ZDHHC2: variants seen among roughly 807,000 people sequenced by gnomAD.
ZDHHC2 encodes zDHHC palmitoyltransferase 2.
Under a neutral mutation model 55.6 loss-of-function variants are expected in ZDHHC2, and 51 were observed. The ratio of observed to expected loss-of-function variants is 0.92; its 90% CI spans 0.73 to 1.16. ZDHHC2 has a LOEUF of 1.16. Among genes scored for constraint, ZDHHC2 ranks in the 50% most tolerant of loss-of-function variants. The pLI is 0.00. For synonymous variants in ZDHHC2, 199 were observed against 152.9 expected (o/e 1.30, Z -2.22); for missense variants, 491 against 442.4 (o/e 1.11, Z -0.99).
intron 3 of ZDHHC2, among the ~76,000 whole-genome samples, chr8:17,189,071 A>G (rs1350829347): frequency 6.8e-6 from 1 of 147,756 alleles, no homozygotes; most frequent in Non-Finnish European, 1.5e-5. Flanking sequence ...ATAGATTTGC[A>G]GTAGCCTCTT....
At chr8:17,202,736 C>T (rs56348905) in intron 6 of ZDHHC2, among the ~76,000 whole-genome samples, 103,741 of 144,422 alleles carry the variant, frequency 0.72, 39,169 homozygotes, top group Non-Finnish European at 0.87. Flanking sequence ...TATATATATA[C>T]ACACACACAC....
Position 17,223,996 on chromosome 8 carries a change from T to C in ZDHHC2, c.*3775T>C, listed in dbSNP as rs1808023422. The C allele has an allele frequency of 6.6e-6, 1 of 151,634 alleles. No homozygotes were observed. Among genetic ancestry groups the C allele is most frequent in the African/African-American group, 2.4e-5 (1 of 41,376 alleles). The allele number at this position is 151,634 out of a possible 1,614,324, so 9.4% of individuals were successfully genotyped here. ...ATATGAAGTATCTCCCAGAACAATG[T>C]TGAGTGTTTCAGGAGACTCTGAAAC... On this transcript the variant is annotated 3_prime_UTR_variant, in exon 13 of 13. Coordinates refer to ENST00000262096, the MANE Select transcript of ZDHHC2 (RefSeq NM_016353.5).
chr8:17,158,769 A>T (rs912827970), intron 1 of ZDHHC2, among the ~76,000 whole-genome samples: 1 of 152,180 alleles, frequency 6.6e-6, no homozygotes, highest in Non-Finnish European at 1.5e-5. Context: ...TACCTTATCT[A>T]TCACTTCTTG....
At chr8:17,196,235 C>G (rs1406686435) in intron 4 of ZDHHC2, among the ~76,000 whole-genome samples, 1 of 152,122 alleles carries the variant, frequency 6.6e-6, no homozygotes, top group African/African-American at 2.4e-5. Flanking sequence ...CAAGACTTGC[C>G]CAGAGCTTCT....
intron 1 of ZDHHC2, among the ~76,000 whole-genome samples, chr8:17,182,763 T>C (rs184406757): frequency 2.1e-4 from 32 of 152,282 alleles, no homozygotes; most frequent in Admixed American, 3.3e-4. Flanking sequence ...TACACCTTTT[T>C]TTTTGTTGTT....
At chr8:17,161,783 C>T (rs915146904) in intron 1 of ZDHHC2, among the ~76,000 whole-genome samples, 8 of 151,804 alleles carry the variant, frequency 5.3e-5, no homozygotes, top group African/African-American at 1.5e-4. Context: ...TTGCCTGAAC[C>T]GGGGAGGCAG....
chr8:17,174,153 A>G (rs1457576032), intron 1 of ZDHHC2, among the ~76,000 whole-genome samples: 1 of 151,480 alleles, frequency 6.6e-6, no homozygotes, highest in South Asian at 2.1e-4. Flanking sequence ...ACAGTGGCGT[A>G]ATCACAGCTC....
At chr8:17,199,607 T>TCG (rs1806611800) in intron 6 of ZDHHC2, among the ~76,000 whole-genome samples, 4 of 14,178 alleles carry the variant, frequency 2.8e-4, no homozygotes, top group South Asian at 4.8e-3. Flanking sequence ...TCTTTATTCT[T>TCG]TCTTCTTCTT....
chr8:17,215,409 G>C, intron 11 of ZDHHC2, 60 bp downstream of exon 11: 1 of 1,391,082 alleles, frequency 7.2e-7, no homozygotes, highest in Non-Finnish European at 9.9e-7. Flanking sequence ...GGTAAACGTG[G>C]TTAAAAAAAA....
chr8:17,207,039 C>A (rs537739824), intron 7 of ZDHHC2, among the ~76,000 whole-genome samples: 3 of 152,172 alleles, frequency 2.0e-5, no homozygotes, highest in Non-Finnish European at 4.4e-5. Context: ...CACTGCTCCT[C>A]CTTCCTGTGG....
chr8:17,187,567 A>G (rs995050338), intron 3 of ZDHHC2, among the ~76,000 whole-genome samples: 5 of 152,096 alleles, frequency 3.3e-5, no homozygotes, highest in Non-Finnish European at 7.4e-5. Flanking sequence ...CTGGCTTAGA[A>G]TGCCTATCTA....
chr8:17,200,537 G>A (rs118075080), intron 6 of ZDHHC2, among the ~76,000 whole-genome samples: 4,767 of 152,244 alleles, frequency 0.031, 99 homozygotes, highest in Non-Finnish European at 0.047. Context: ...GGATTGTGAT[G>A]ACAAGGAATG....
At chr8:17,199,217 G>A (rs1806488656) in intron 6 of ZDHHC2, among the ~76,000 whole-genome samples, 1 of 152,194 alleles carries the variant, frequency 6.6e-6, no homozygotes, top group African/African-American at 2.4e-5. Flanking sequence ...CCAGGGGAAT[G>A]TAGGATTATG....
intron 1 of ZDHHC2, among the ~76,000 whole-genome samples, chr8:17,183,873 C>G (rs989111648): frequency 6.6e-6 from 1 of 152,064 alleles, no homozygotes; most frequent in African/African-American, 2.4e-5. Flanking sequence ...TTTGGTAGCT[C>G]TCTTGGGCAG....
At chr8:17,165,033 G>T (rs930583164) in intron 1 of ZDHHC2, among the ~76,000 whole-genome samples, 1 of 152,180 alleles carries the variant, frequency 6.6e-6, no homozygotes, top group Non-Finnish European at 1.5e-5. Context: ...GTGAGGAATG[G>T]TGTGATTTGG....
intron 11 of ZDHHC2, among the ~76,000 whole-genome samples, chr8:17,215,565 G>T (rs1807608629): frequency 6.6e-6 from 1 of 152,094 alleles, no homozygotes; most frequent in Non-Finnish European, 1.5e-5. Flanking sequence ...GATCTGCATT[G>T]CCTTTTTTCT....
chr8:17,169,277 G>A (rs894486998), intron 1 of ZDHHC2, among the ~76,000 whole-genome samples: 9 of 148,542 alleles, frequency 6.1e-5, no homozygotes, highest in Middle Eastern at 3.4e-3. Flanking sequence ...TCATGGTTCA[G>A]CAGAAAAGCT....
chr8:17,188,397 G>A lies in ZDHHC2; in HGVS notation c.252+1972G>A, dbSNP rs867188507. Among the ~76,000 whole-genome samples, 8 of 152,150 alleles carry A rather than the reference G, an allele frequency of 5.3e-5. 1 individual carries two copies. In the Middle Eastern group the frequency reaches 0.014, roughly 259 times the overall value. On this transcript the variant is annotated intron_variant, in intron 3 of 12. Coordinates refer to ENST00000262096, the MANE Select transcript of ZDHHC2 (RefSeq NM_016353.5). ...AATAGCAGCTCTTGTCTCAATTTCT[G>A]ACTTTATACTTTATACTCTAGTAGT...
Position 17,224,175 on chromosome 8 carries a change from G to A in ZDHHC2, c.*3954G>A, listed in dbSNP as rs1374795935. 6.6e-6 allele frequency: 1 copy of A among 151,502 alleles called. No individual in the cohort carries two copies. The highest frequency in any genetic ancestry group is 1.5e-5 in the Non-Finnish European group (1 of 67,662). The allele number at this position is 151,502 out of a possible 1,614,324, so 9.4% of individuals were successfully genotyped here. ...CAAAAAGTTCAAATACAATAACCTG[G>A]GCAATGCCAACAGAAGACACTTTTA... On this transcript the variant is annotated 3_prime_UTR_variant, in exon 13 of 13. Coordinates refer to ENST00000262096, the MANE Select transcript of ZDHHC2 (RefSeq NM_016353.5).
Sources: gnomAD v4.1 joint callset for allele counts (sites outside exome capture counted in the v4.1 genomes callset) on GRCh38, gnomAD v4.1.1 for gene constraint, MANE v1.5 for transcripts, NCBI Gene and HGNC (gene_info 2026-07-23, HGNC 2026-07-21) for gene names.